EPS15: variants seen among roughly 807,000 people sequenced by gnomAD.
EPS15 encodes epidermal growth factor receptor substrate 15.
EPS15 carries 72 observed loss-of-function variants against 113.8 expected under a neutral mutation model. That is an observed-to-expected ratio of 0.63 (90% CI 0.52 to 0.77). The LOEUF is 0.77. Ranked by LOEUF, EPS15 falls within the 30% of genes least tolerant of loss-of-function variation. The pLI is 0.00. For missense variants in EPS15, 1,048 were observed against 1,045.8 expected (o/e 1.00, Z -0.03); for synonymous variants, 344 against 363.4 (o/e 0.95, Z 0.61).
intron 1 of EPS15, among the ~76,000 whole-genome samples, chr1:51,503,004 CT>C (rs1405888171): frequency 7.7e-6 from 1 of 129,626 alleles, no homozygotes; most frequent in Non-Finnish European, 1.6e-5. Context: ...GAGACTCTGT[CT>C]CAAAAAAAAA....
chr1:51,408,168 C>T lies in EPS15; in HGVS notation c.1440G>A (p.Gln480=), dbSNP rs775990741. Reference sequence around the variant, plus strand: ...TTTCCTGTTGTGAATCTTGTAGGTGCTGCTGAAGAGGTTCCAACTGAGCCT... The same window carrying T: ...TTTCCTGTTGTGAATCTTGTAGGTGTTGCTGAAGAGGTTCCAACTGAGCCT... ...SGKAQLEPLQ[Q]HLQDSQQEIS... Residue 480 remains glutamine (Q), a synonymous_variant, in exon 15 of 25, where the codon CAG becomes CAA. Coordinates refer to ENST00000371733, the MANE Select transcript of EPS15 (RefSeq NM_001981.3). The T allele has an allele frequency of 1.9e-6, 3 of 1,614,114 alleles. No homozygotes were observed. The highest frequency in any genetic ancestry group is 1.7e-6 in the Non-Finnish European group (2 of 1,179,976).
chr1:51,457,283 T>C (rs1654076744), intron 8 of EPS15, among the ~76,000 whole-genome samples: 1 of 151,518 alleles, frequency 6.6e-6, no homozygotes, highest in Non-Finnish European at 1.5e-5. Context: ...TGAGACTCCA[T>C]CTCAAAAAAA....
intron 21 of EPS15, chr1:51,394,064 G>C (rs1299663406): frequency 5.7e-6 from 1 of 173,920 alleles, no homozygotes; most frequent in Non-Finnish European, 1.2e-5. Flanking sequence ...CTTAGACCAA[G>C]ATCCGTAACA....
At chr1:51,505,549 G>A (rs1353302617) in intron 1 of EPS15, among the ~76,000 whole-genome samples, 1 of 152,126 alleles carries the variant, frequency 6.6e-6, no homozygotes, top group South Asian at 2.1e-4. Context: ...TAGCTGAGGG[G>A]TACAAGTTTC....
rs1401719655 is a variant in EPS15 at position 51,494,412 on chromosome 1, A to T, written c.34-13098T>A. Among the ~76,000 whole-genome samples the T allele has an allele frequency of 3.9e-5, 6 of 152,130 alleles. No homozygotes were observed. In the East Asian group the frequency reaches 1.2e-3, roughly 29 times the overall value. On this transcript the variant is annotated intron_variant, in intron 1 of 24. Transcript: ENST00000371733. ...CACCTTATTCAGTTTAGATTCTACA[A>T]TTCATCATTTCAATAATTCTCCTGC...
At chr1:51,478,132 G>T (rs939450023) in intron 2 of EPS15, among the ~76,000 whole-genome samples, 1 of 152,266 alleles carries the variant, frequency 6.6e-6, no homozygotes, top group Admixed American at 6.5e-5. Context: ...ATGAATCTGG[G>T]TGCTCCTGTA....
intron 1 of EPS15, among the ~76,000 whole-genome samples, chr1:51,506,267 G>A (rs1439153935): frequency 3.9e-5 from 6 of 152,060 alleles, no homozygotes; most frequent in Non-Finnish European, 7.4e-5. Context: ...TTAAATGCAG[G>A]TATATCTTTT....
intron 12 of EPS15, among the ~76,000 whole-genome samples, chr1:51,423,925 CT>C (rs1650988477): frequency 6.6e-6 from 1 of 151,714 alleles, no homozygotes; most frequent in Non-Finnish European, 1.5e-5. Context: ...AATTTGGGGT[CT>C]ATGGGGGAGG....
chr1:51,397,756 T>A (rs1648101692), intron 20 of EPS15, among the ~76,000 whole-genome samples: 1 of 152,214 alleles, frequency 6.6e-6, no homozygotes, highest in Non-Finnish European at 1.5e-5. Context: ...AAACCTATTA[T>A]CTTTAAAATA....
chr1:51,386,506 A>G (rs1215140716), intron 21 of EPS15, among the ~76,000 whole-genome samples: 1 of 152,178 alleles, frequency 6.6e-6, no homozygotes, highest in Non-Finnish European at 1.5e-5. Context: ...GCTGATACCC[A>G]GGCAAACAGG....
chr1:51,376,054 G>C (rs1309029914), intron 21 of EPS15, among the ~76,000 whole-genome samples: 1 of 152,204 alleles, frequency 6.6e-6, no homozygotes, highest in African/African-American at 2.4e-5. Context: ...TTTCAATGTA[G>C]ACAAAGCAGT....
At chr1:51,498,635 AT>A (rs777387941) in intron 1 of EPS15, among the ~76,000 whole-genome samples, 1 of 152,198 alleles carries the variant, frequency 6.6e-6, no homozygotes, top group African/African-American at 2.4e-5. Flanking sequence ...TCCACTTACT[AT>A]GGGTTTATCA....
chr1:51,405,984 C>T lies in EPS15; in HGVS notation c.1598G>A (p.Ser533Asn), dbSNP rs779281389. Residue 533 changes from serine (S) to asparagine (N), a missense_variant, in exon 16 of 25, where the codon AGC becomes AAC. By Grantham distance (46) the Ser-to-Asn change is conservative (BLOSUM62 1). Coordinates refer to ENST00000371733, the MANE Select transcript of EPS15 (RefSeq NM_001981.3). ...TTCATTAAGGTTGGCTGTTTCACTG[C>T]TGCTGGTGCTGAGGCTGCAATAATC... ...ATDYCSLSTS[S>N]SETANLNEHV... 7 of 1,614,172 alleles carry T rather than the reference C, an allele frequency of 4.3e-6. No individual in the cohort carries two copies. The highest frequency in any genetic ancestry group is 1.6e-4 in the Middle Eastern group (1 of 6,062).
intron 7 of EPS15, chr1:51,461,905 T>C (rs894606315): frequency 6.6e-6 from 1 of 152,196 alleles, no homozygotes; most frequent in Admixed American, 6.5e-5. Context: ...GGACTTAACA[T>C]TCATTATCAC....
chr1:51,472,819 C>T, intron 3 of EPS15, 40 bp downstream of exon 3: 2 of 1,451,158 alleles, frequency 1.4e-6, no homozygotes, highest in Middle Eastern at 3.5e-4. Flanking sequence ...GTACACATTC[C>T]TTACAAACTT....
intron 13 of EPS15, among the ~76,000 whole-genome samples, chr1:51,412,068 G>C (rs1649771882): frequency 6.6e-6 from 1 of 152,194 alleles, no homozygotes; most frequent in East Asian, 1.9e-4. Context: ...GGACATGGAT[G>C]AAGCTGGAAA....
Position 51,406,012 on chromosome 1 carries a change from T to C in EPS15, c.1570A>G (p.Thr524Ala), listed in dbSNP as rs1291548978. 4 of 1,614,184 alleles carry C rather than the reference T, an allele frequency of 2.5e-6. No individual in the cohort carries two copies. Among genetic ancestry groups the C allele is most frequent in the African/African-American group, 1.3e-5 (1 of 75,068 alleles). Residue 524 changes from threonine (T) to alanine (A), a missense_variant, in exon 16 of 25, where the codon ACA becomes GCA. By Grantham distance (58) the Thr-to-Ala change is moderately conservative. Transcript: ENST00000371733. The stretch of plus-strand genomic sequence containing the variant: ...CTGGTGCTGAGGCTGCAATAATCTG[T>C]AGCTCCGTTTACAAGAATGCTGTGT... ...SPHSILVNGA[T>A]DYCSLSTSSS...
intron 8 of EPS15, among the ~76,000 whole-genome samples, chr1:51,455,390 G>C (rs1653912924): frequency 6.6e-6 from 1 of 152,140 alleles, no homozygotes; most frequent in Non-Finnish European, 1.5e-5. Context: ...AGGAGTTTGA[G>C]ACCAGCCTGG....
intron 12 of EPS15, among the ~76,000 whole-genome samples, chr1:51,424,392 T>C (rs532769698): frequency 5.3e-5 from 8 of 152,354 alleles, no homozygotes; most frequent in Non-Finnish European, 1.2e-4. Context: ...CTTAGGATAC[T>C]TGACCATATT....
Sources: allele counts gnomAD v4.1 joint callset (sites outside exome capture counted in the v4.1 genomes callset), GRCh38; gene constraint gnomAD v4.1.1; transcripts MANE v1.5; gene names NCBI Gene and HGNC (gene_info 2026-07-23, HGNC 2026-07-21).